Variants in KCNB2 observed in about 807,000 individuals in gnomAD.
KCNB2 encodes the protein delayed rectifier potassium channel protein.
In KCNB2, 15 loss-of-function variants were observed where a neutral mutation model predicts 61.5. That is an observed-to-expected ratio of 0.24 (90% CI 0.16 to 0.38). KCNB2 has a LOEUF of 0.38. Ranked by LOEUF, KCNB2 falls within the 10% of genes least tolerant of loss-of-function variation. The probability of loss-of-function intolerance (pLI) is 1.00; values close to 1 mark genes in which losing one functional copy is unlikely to be tolerated. For missense variants in KCNB2, 828 were observed against 1,125.2 expected, an observed-to-expected ratio of 0.74 and a Z score of 3.78; for synonymous variants, 457 against 446.0, an observed-to-expected ratio of 1.02 and a Z score of -0.31.
chr8:72,766,303 C>T (rs1464268389), intron 2 of KCNB2, among the ~76,000 whole-genome samples: 4 of 152,156 alleles, frequency 2.6e-5, no homozygotes, highest in African/African-American at 9.7e-5. Context: ...TCACATCCAG[C>T]CAAAGAATCA....
chr8:72,782,589 T>C (rs1808779263), intron 2 of KCNB2, among the ~76,000 whole-genome samples: 1 of 152,174 alleles, frequency 6.6e-6, no homozygotes, highest in East Asian at 1.9e-4. Flanking sequence ...ACCCCAAGCC[T>C]GGAGCTCCTT....
At chr8:72,604,270 T>A (rs1187667452) in intron 2 of KCNB2, among the ~76,000 whole-genome samples, 2 of 152,208 alleles carry the variant, frequency 1.3e-5, no homozygotes, top group African/African-American at 4.8e-5. Flanking sequence ...CAATGAATGC[T>A]CCATCTATAA....
intron 2 of KCNB2, among the ~76,000 whole-genome samples, chr8:72,599,840 G>A (rs181835384): frequency 0.012 from 1,877 of 152,216 alleles, 34 homozygotes; most frequent in African/African-American, 0.042. Flanking sequence ...AAAAACACAT[G>A]AAAAAAGGCT....
At chr8:72,801,697 A>C (rs1347311244) in intron 2 of KCNB2, among the ~76,000 whole-genome samples, 1 of 152,134 alleles carries the variant, frequency 6.6e-6, no homozygotes, top group Non-Finnish European at 1.5e-5. Context: ...ATCAGGGTGC[A>C]ATAAGACCAC....
intron 2 of KCNB2, among the ~76,000 whole-genome samples, chr8:72,618,000 C>G (rs1187361601): frequency 6.6e-6 from 1 of 152,168 alleles, no homozygotes; most frequent in Non-Finnish European, 1.5e-5. Flanking sequence ...CATCTGGAGT[C>G]TTTCATTATG....
chr8:72,576,483 A>G (rs1806795570), intron 2 of KCNB2, among the ~76,000 whole-genome samples: 1 of 152,192 alleles, frequency 6.6e-6, no homozygotes, highest in Admixed American at 6.5e-5. Flanking sequence ...CTCATTGAAA[A>G]TATTCTATCT....
At chr8:72,588,222 T>C (rs1016733547) in intron 2 of KCNB2, among the ~76,000 whole-genome samples, 4 of 149,770 alleles carry the variant, frequency 2.7e-5, no homozygotes, top group South Asian at 4.2e-4. Flanking sequence ...TCTTTTCTTT[T>C]TTTTTTTTTT....
chr8:72,932,725 T>A (rs1223454131), intron 2 of KCNB2, among the ~76,000 whole-genome samples: 2 of 152,230 alleles, frequency 1.3e-5, no homozygotes, highest in African/African-American at 4.8e-5. Context: ...AGGCCTGCGT[T>A]AGTGAGACCT....
At chr8:72,915,516 A>G (rs186047426) in intron 2 of KCNB2, among the ~76,000 whole-genome samples, 15 of 152,330 alleles carry the variant, frequency 9.8e-5, no homozygotes, top group Middle Eastern at 3.4e-3. Flanking sequence ...AGCTTATGGA[A>G]GAAGAGCTGA....
intron 2 of KCNB2, among the ~76,000 whole-genome samples, chr8:72,924,755 T>C (rs1806602048): frequency 6.6e-6 from 1 of 152,116 alleles, no homozygotes; most frequent in East Asian, 1.9e-4. Flanking sequence ...CCAAACAGTC[T>C]AAATAAGACT....
intron 1 of KCNB2, among the ~76,000 whole-genome samples, chr8:72,540,213 T>C (rs1806170038): frequency 6.6e-6 from 1 of 152,208 alleles, no homozygotes; most frequent in African/African-American, 2.4e-5. Context: ...AATGCATTTT[T>C]TTCTTCATAA....
At chr8:72,788,106 G>A (rs1163458269) in intron 2 of KCNB2, among the ~76,000 whole-genome samples, 1 of 152,176 alleles carries the variant, frequency 6.6e-6, no homozygotes, top group Non-Finnish European at 1.5e-5. Flanking sequence ...TTGGCATTCT[G>A]TTCATCTCTG....
intron 2 of KCNB2, among the ~76,000 whole-genome samples, chr8:72,838,941 A>G (rs1332443741): frequency 2.0e-5 from 3 of 152,202 alleles, no homozygotes; most frequent in African/African-American, 7.2e-5. Context: ...CTAAAATAAC[A>G]TTAGCCACGA....
intron 2 of KCNB2, among the ~76,000 whole-genome samples, chr8:72,746,208 G>A (rs1205265976): frequency 2.0e-5 from 3 of 152,032 alleles, no homozygotes; most frequent in Admixed American, 1.3e-4. Flanking sequence ...GTATTTCTGT[G>A]TGCTTCTTTC....
intron 2 of KCNB2, among the ~76,000 whole-genome samples, chr8:72,870,055 C>T (rs1164731823): frequency 1.3e-5 from 2 of 152,042 alleles, no homozygotes; most frequent in East Asian, 1.9e-4. Flanking sequence ...TGGATGAACC[C>T]GGAGAGCATT....
rs1233006801 is a variant in KCNB2 at position 72,553,237 on chromosome 8, T to C, written c.-93-14405T>C. On this transcript the variant is annotated intron_variant, in intron 1 of 2. Coordinates refer to ENST00000523207, the MANE Select transcript of KCNB2 (RefSeq NM_004770.3). ...AGAATTTAACGTAAGCCATTGCACT[T>C]GGTTTTTCCCAGTTTTCACCTAGAT... Among the ~76,000 whole-genome samples, 6 of 152,278 alleles carry C rather than the reference T, an allele frequency of 3.9e-5. No individual in the cohort carries two copies. In the East Asian group the frequency reaches 9.7e-4, roughly 25 times the overall value.
In KCNB2 at chr8:72,937,547, C is replaced by G. The variant is rs539044887; in HGVS notation, c.2192C>G (p.Pro731Arg). The G allele has an allele frequency of 3.1e-6, 5 of 1,613,942 alleles. No homozygotes were observed. In the South Asian group the frequency reaches 4.4e-5, roughly 14 times the overall value. Reference protein sequence around the residue: ...ENRGSAPQTPPSTARPLPVTT... With the variant: ...ENRGSAPQTPRSTARPLPVTT... ...AGAGGCAGTGCACCACAGACCCCGC[C>G]CAGCACAGCCAGGCCACTGCCAGTC... The change falls in exon 3 of 3, where the codon CCC (proline) becomes CGC (arginine). Residue 731 changes from proline to arginine, a missense_variant. This residue lies in a region of KCNB2 where 559 missense variants were observed against 588.4 expected (regional missense o/e 0.95). Coordinates refer to ENST00000523207, the MANE Select transcript of KCNB2 (RefSeq NM_004770.3).
At chr8:72,573,138 G>A (rs1177906515) in intron 2 of KCNB2, among the ~76,000 whole-genome samples, 2 of 151,434 alleles carry the variant, frequency 1.3e-5, no homozygotes, top group Non-Finnish European at 2.9e-5. Context: ...AAATTAGAGT[G>A]TAGGCCTTTC....
At chr8:72,917,151 A>G (rs1444139039) in intron 2 of KCNB2, among the ~76,000 whole-genome samples, 1 of 152,186 alleles carries the variant, frequency 6.6e-6, no homozygotes, top group Non-Finnish European at 1.5e-5. Context: ...CATTAATCTG[A>G]GAAGGAAATC....
Sources: allele counts gnomAD v4.1 joint callset (sites outside exome capture counted in the v4.1 genomes callset), GRCh38; gene constraint gnomAD v4.1.1; regional missense constraint gnomAD v4.1.1; transcripts MANE v1.5; gene names NCBI Gene and HGNC (gene_info 2026-07-23, HGNC 2026-07-21).